The following KLF8 variants were observed in gnomAD, a reference collection of about 807,000 sequenced individuals.
KLF8 encodes the protein KLF transcription factor 8.
In KLF8, 10 loss-of-function variants were observed where a neutral mutation model predicts 18.2. The ratio of observed to expected loss-of-function variants is 0.55; its 90% CI spans 0.34 to 0.93. The LOEUF is 0.93. Among genes scored for constraint, KLF8 ranks in the 40% least tolerant of loss-of-function variants. The probability of loss-of-function intolerance (pLI) is 0.02; values close to 1 mark genes in which losing one functional copy is unlikely to be tolerated. For synonymous variants in KLF8, 109 were observed against 97.3 expected, an observed-to-expected ratio of 1.12 and a Z score of -0.71; for missense variants, 264 against 277.9, an observed-to-expected ratio of 0.95 and a Z score of 0.36.
chrX:56,058,314 A>G, the KLF8 span, among the ~76,000 whole-genome samples: 3 of 79,364 alleles, frequency 3.8e-5, no homozygotes, highest in African/African-American at 1.4e-4. Flanking sequence ...ATATATATAT[A>G]TATATATAGT....
the KLF8 span, among the ~76,000 whole-genome samples, chrX:56,105,742 T>C: frequency 8.9e-6 from 1 of 111,827 alleles, no homozygotes; most frequent in African/African-American, 3.3e-5. Context: ...GTGAATTTTA[T>C]CCTGTCATTA....
At chrX:56,163,386 A>G in the KLF8 span, among the ~76,000 whole-genome samples, 1 of 111,955 alleles carries the variant, frequency 8.9e-6, no homozygotes, top group Non-Finnish European at 1.9e-5. Flanking sequence ...GGCTGCATTT[A>G]TGTCTTCTTT....
chrX:56,170,840 A>T, the KLF8 span, among the ~76,000 whole-genome samples: 21 of 111,674 alleles, frequency 1.9e-4, no homozygotes, highest in Admixed American at 1.4e-3. Flanking sequence ...AGGCTATAGA[A>T]CACCAAGCAA....
At chrX:55,990,402 C>A in the KLF8 span, among the ~76,000 whole-genome samples, 20 of 112,152 alleles carry the variant, frequency 1.8e-4, no homozygotes, top group African/African-American at 6.5e-4. Flanking sequence ...TATGTTGTGT[C>A]TTTGTTCTCA....
chrX:56,196,254 G>A, the KLF8 span, among the ~76,000 whole-genome samples: 1 of 111,112 alleles, frequency 9.0e-6, no homozygotes, highest in Non-Finnish European at 1.9e-5. Context: ...ATGTAAATGG[G>A]CTAAATGCCC....
intron 2 of KLF8, among the ~76,000 whole-genome samples, chrX:56,251,828 A>G (rs768355091): frequency 9.0e-6 from 1 of 111,413 alleles, no homozygotes; most frequent in African/African-American, 3.3e-5. Flanking sequence ...ATGTTTTCAT[A>G]CAGGCATGCA....
the KLF8 span, among the ~76,000 whole-genome samples, chrX:56,180,715 A>G: frequency 0.052 from 5,751 of 110,891 alleles, 373 homozygotes; most frequent in African/African-American, 0.18. Flanking sequence ...TCATTTCCTT[A>G]TGTACCTAGT....
the KLF8 span, among the ~76,000 whole-genome samples, chrX:56,107,166 A>G: frequency 2.2e-4 from 25 of 111,852 alleles, no homozygotes; most frequent in African/African-American, 7.8e-4. Flanking sequence ...GTTAGGCTAC[A>G]CAGGGGTCGG....
chrX:56,192,019 A>C, the KLF8 span, among the ~76,000 whole-genome samples: 3,596 of 111,565 alleles, frequency 0.032, 160 homozygotes, highest in African/African-American at 0.11. Flanking sequence ...ACAAATCAGA[A>C]AGGCAGAAGA....
chrX:56,007,120 A>G, the KLF8 span, among the ~76,000 whole-genome samples: 108 of 112,144 alleles, frequency 9.6e-4, no homozygotes, highest in African/African-American at 3.4e-3. Flanking sequence ...TTAGCTCCAT[A>G]TGTCCCAGAG....
At chrX:56,006,406 CATCCTAG>C in the KLF8 span, among the ~76,000 whole-genome samples, 1 of 111,883 alleles carries the variant, frequency 8.9e-6, no homozygotes, top group Non-Finnish European at 1.9e-5. Context: ...CTTCCCCCTT[CATCCTAG>C]CATCTTTGTC....
the KLF8 span, among the ~76,000 whole-genome samples, chrX:55,928,047 A>G: frequency 8.9e-6 from 1 of 112,393 alleles, no homozygotes; most frequent in Non-Finnish European, 1.9e-5. Context: ...CCAATACAGA[A>G]TACAGACTGT....
chrX:56,171,233 C>G, the KLF8 span, among the ~76,000 whole-genome samples: 2 of 111,086 alleles, frequency 1.8e-5, no homozygotes. Flanking sequence ...ATAGACAGTA[C>G]AAAAAGATAT....
chrX:55,956,160 TC>T, the KLF8 span, among the ~76,000 whole-genome samples: 1 of 95,633 alleles, frequency 1.0e-5, no homozygotes, highest in Non-Finnish European at 1.9e-5. Context: ...TATCTATCTA[TC>T]TATCTATCAT....
chrX:56,114,346 A>T, the KLF8 span, among the ~76,000 whole-genome samples: 1 of 112,909 alleles, frequency 8.9e-6, no homozygotes, highest in Non-Finnish European at 1.9e-5. Context: ...GTGTCTGCAC[A>T]GTTCTGTGCT....
the KLF8 span, among the ~76,000 whole-genome samples, chrX:56,042,449 A>G: frequency 9.1e-6 from 1 of 109,710 alleles, no homozygotes; most frequent in Non-Finnish European, 1.9e-5. Flanking sequence ...GTGTTAAAGT[A>G]CTCCCACTAT....
chrX:56,275,805 T>C (rs953515681), intron 5 of KLF8, among the ~76,000 whole-genome samples: 3 of 112,646 alleles, frequency 2.7e-5, no homozygotes, highest in Non-Finnish European at 5.6e-5. Context: ...TTAATTGATT[T>C]GCATATGCTG....
the KLF8 span, among the ~76,000 whole-genome samples, chrX:56,202,253 T>G: frequency 9.0e-6 from 1 of 110,734 alleles, no homozygotes; most frequent in Non-Finnish European, 1.9e-5. Context: ...TCTTTTTGGT[T>G]TGTTTGTTTG....
chrX:56,257,710 T>C (rs921017398), intron 2 of KLF8, among the ~76,000 whole-genome samples: 2 of 112,552 alleles, frequency 1.8e-5, no homozygotes, highest in Admixed American at 9.4e-5. Flanking sequence ...TATGTCTACA[T>C]AGTATTCCAT....
Sources: allele counts gnomAD v4.1 joint callset (sites outside exome capture counted in the v4.1 genomes callset), GRCh38; gene constraint gnomAD v4.1.1; transcripts MANE v1.5; gene names NCBI Gene and HGNC (gene_info 2026-07-23, HGNC 2026-07-21).